The following EYS variants were observed in gnomAD, a reference collection of about 807,000 sequenced individuals.
The protein encoded by EYS is EGF-like photoreceptor maintenance factor, also known as protein eyes shut homolog.
Under a neutral mutation model 282.1 loss-of-function variants are expected in EYS, and 250 were observed. The ratio of observed to expected loss-of-function variants is 0.89; its 90% CI spans 0.80 to 0.98. The LOEUF (loss-of-function observed/expected upper bound fraction) is 0.98, where lower values mean the gene tolerates loss of function less well. Among genes scored for constraint, EYS ranks in the 50% least tolerant of loss-of-function variants. The pLI is 0.00. For synonymous variants in EYS, 1,355 were observed against 1,282.9 expected, an observed-to-expected ratio of 1.06 and a Z score of -1.20; for missense variants, 4,016 against 3,709.0, an observed-to-expected ratio of 1.08 and a Z score of -2.15.
intron 13 of EYS, among the ~76,000 whole-genome samples, chr6:65,040,663 G>A (rs1216834526): frequency 1.3e-5 from 2 of 151,588 alleles, no homozygotes; most frequent in Non-Finnish European, 3.0e-5. Context: ...AACCATAAAT[G>A]TCTCTAGGCT....
rs1158225989 is a variant in EYS at position 65,003,063 on chromosome 6, G to C, written c.2138-5360C>G. 8.8e-5 allele frequency among the ~76,000 whole-genome samples: 13 copies of C among 147,670 alleles called. 3 individuals carry two copies. The highest frequency in any genetic ancestry group is 1.2e-4 in the Non-Finnish European group (8 of 65,986). ...ATCTGGGCACCTTGAAAAAAGAACA[G>C]GATAACAGCAATGTTTAGGAAACAA... On this transcript the variant is annotated intron_variant, in intron 13 of 42. Transcript: ENST00000503581.
chr6:65,266,593 G>A (rs1478261930), intron 12 of EYS, among the ~76,000 whole-genome samples: 2 of 151,804 alleles, frequency 1.3e-5, no homozygotes, highest in Non-Finnish European at 2.9e-5. Flanking sequence ...TTGATGTGCT[G>A]CAGGATTCGG....
intron 30 of EYS, among the ~76,000 whole-genome samples, chr6:64,275,791 T>TAA (rs200220201): frequency 1.4e-5 from 1 of 70,746 alleles, no homozygotes. Flanking sequence ...CTGTGTCTAC[T>TAA]AAAAAAATAA....
intron 2 of EYS, among the ~76,000 whole-genome samples, chr6:65,541,820 A>G (rs1768179574): frequency 6.6e-6 from 1 of 152,120 alleles, no homozygotes; most frequent in African/African-American, 2.4e-5. Context: ...ATGTGTTCCA[A>G]TAAGATTCCT....
chr6:63,827,761 G>A lies in EYS; in HGVS notation c.7229-21389C>T, dbSNP rs533515289. The stretch of plus-strand genomic sequence containing the variant: ...TGGGAGGCTGAGGCAGGAGAATGGC[G>A]TGAACCCGGGAAGCGGAGCTTGCAG... On this transcript the variant is annotated intron_variant, in intron 36 of 42. Coordinates refer to ENST00000503581, the MANE Select transcript of EYS (RefSeq NM_001142800.2). 3.9e-3 allele frequency among the ~76,000 whole-genome samples: 591 copies of A among 150,886 alleles called. 2 individuals are homozygous for A. The highest frequency in any genetic ancestry group is 0.012 in the African/African-American group (503 of 40,978).
chr6:65,161,681 A>G (rs1561997519), intron 12 of EYS, among the ~76,000 whole-genome samples: 1 of 151,322 alleles, frequency 6.6e-6, no homozygotes, highest in East Asian at 2.0e-4. Flanking sequence ...ATGTTCTGAC[A>G]CTGACAAAAT....
At chr6:65,594,106 G>C (rs1287894946) in intron 2 of EYS, among the ~76,000 whole-genome samples, 1 of 151,804 alleles carries the variant, frequency 6.6e-6, no homozygotes, top group African/African-American at 2.4e-5. Flanking sequence ...GCAAGTGTTA[G>C]GTTATTGCTT....
intron 1 of EYS, among the ~76,000 whole-genome samples, chr6:65,669,099 GAATTTCTTGGTATATA>G (rs1483298481): frequency 2.0e-5 from 3 of 151,830 alleles, no homozygotes; most frequent in African/African-American, 7.2e-5. Flanking sequence ...CATTTATTAT[GAATTTCTTGGTATATA>G]ATCATTCATG....
chr6:64,888,365 C>A (rs1284320479), intron 18 of EYS, among the ~76,000 whole-genome samples: 5 of 151,716 alleles, frequency 3.3e-5, no homozygotes, highest in South Asian at 4.2e-4. Context: ...AACGAATGAA[C>A]AAATGTGCTG....
intron 31 of EYS, among the ~76,000 whole-genome samples, chr6:64,103,647 T>C (rs539836753): frequency 1.3e-5 from 2 of 152,258 alleles, no homozygotes; most frequent in African/African-American, 4.8e-5. Context: ...AATAAAGAAA[T>C]TGAGTTTCAT....
At chr6:64,130,789 A>T (rs1411449963) in intron 31 of EYS, among the ~76,000 whole-genome samples, 1 of 152,094 alleles carries the variant, frequency 6.6e-6, no homozygotes, top group African/African-American at 2.4e-5. Context: ...AGGTAGCAAG[A>T]GGTAAAGTGG....
At chr6:64,167,454 T>G (rs945710797) in intron 31 of EYS, among the ~76,000 whole-genome samples, 10 of 152,046 alleles carry the variant, frequency 6.6e-5, no homozygotes, top group Non-Finnish European at 1.2e-4. Flanking sequence ...TTGGCTTTTT[T>G]TCTTTCAAAT....
At chr6:64,636,036 T>A (rs977988342) in intron 22 of EYS, among the ~76,000 whole-genome samples, 13 of 151,864 alleles carry the variant, frequency 8.6e-5, no homozygotes, top group Non-Finnish European at 1.9e-4. Flanking sequence ...TCAACTTCAA[T>A]CCCATCCCCA....
chr6:64,561,822 G>C (rs940645449), intron 26 of EYS, among the ~76,000 whole-genome samples: 1 of 149,928 alleles, frequency 6.7e-6, no homozygotes, highest in Non-Finnish European at 1.5e-5. Flanking sequence ...CTATTAAATT[G>C]GCTATAGTAC....
intron 22 of EYS, among the ~76,000 whole-genome samples, chr6:64,693,389 T>C (rs1770468339): frequency 6.6e-6 from 1 of 152,138 alleles, no homozygotes; most frequent in South Asian, 2.1e-4. Flanking sequence ...GCTAATTTTA[T>C]GATTTATTAT....
intron 1 of EYS, among the ~76,000 whole-genome samples, chr6:65,689,182 T>A (rs1769144253): frequency 1.3e-5 from 2 of 149,892 alleles, no homozygotes; most frequent in Admixed American, 6.7e-5. Context: ...CACCATGGAA[T>A]ACTATGCAGC....
rs180822475 is a variant in EYS at position 63,866,350 on chromosome 6, T to C, written c.7056-1992A>G. Among the ~76,000 whole-genome samples the C allele has an allele frequency of 1.6e-4, 24 of 152,308 alleles. No homozygotes were observed. The South Asian group carries it at 4.6e-3, about 29-fold the overall frequency. On this transcript the variant is annotated intron_variant, in intron 35 of 42. Transcript: ENST00000503581. ...GAAAGGTCAGTATTAAGCATTTGTATTCTGGGATAAAGTCTAGGAAAGTAG... is the reference window on the plus strand; with the variant it reads ...GAAAGGTCAGTATTAAGCATTTGTACTCTGGGATAAAGTCTAGGAAAGTAG...
intron 31 of EYS, among the ~76,000 whole-genome samples, chr6:64,200,413 G>T (rs1765428831): frequency 6.6e-6 from 1 of 152,070 alleles, no homozygotes; most frequent in South Asian, 2.1e-4. Flanking sequence ...ATAAGAAATT[G>T]TGTATGGAAG....
chr6:64,226,259 A>G lies in EYS; in HGVS notation c.6424+4333T>C, dbSNP rs1766249990. On this transcript the variant is annotated intron_variant, in intron 31 of 42. Coordinates refer to ENST00000503581, the MANE Select transcript of EYS (RefSeq NM_001142800.2). The stretch of plus-strand genomic sequence containing the variant: ...GCAGTCTATTTTTTTAACAAGACAA[A>G]ACACCTAGTAAAGCCTCTCACTTTT... Among the ~76,000 whole-genome samples the G allele has an allele frequency of 3.9e-5, 6 of 152,212 alleles. No individual in the cohort carries two copies. The South Asian group carries it at 1.2e-3, about 32-fold the overall frequency.
Sources: allele counts gnomAD v4.1 joint callset (sites outside exome capture counted in the v4.1 genomes callset), GRCh38; gene constraint gnomAD v4.1.1; transcripts MANE v1.5; gene names NCBI Gene and HGNC (gene_info 2026-07-23, HGNC 2026-07-21).